SPTLC3: variants seen among roughly 807,000 people sequenced by gnomAD.
SPTLC3 encodes serine palmitoyltransferase 3.
SPTLC3 carries 36 observed loss-of-function variants against 59.3 expected under a neutral mutation model. The ratio of observed to expected loss-of-function variants is 0.61; its 90% CI spans 0.47 to 0.80. SPTLC3 has a LOEUF of 0.80. Among genes scored for constraint, SPTLC3 ranks in the 30% least tolerant of loss-of-function variants. The probability of loss-of-function intolerance (pLI) is 0.00; values close to 1 mark genes in which losing one functional copy is unlikely to be tolerated. For missense variants in SPTLC3, 625 were observed against 685.1 expected (o/e 0.91, Z 0.98); for synonymous variants, 257 against 240.8 (o/e 1.07, Z -0.62).
At chr20:13,109,046 A>AT (rs1380396202) in intron 6 of SPTLC3, among the ~76,000 whole-genome samples, 1 of 152,122 alleles carries the variant, frequency 6.6e-6, no homozygotes, top group African/African-American at 2.4e-5. Flanking sequence ...AACCTCGGCC[A>AT]TTTTTTTCTT....
At chr20:13,056,796 C>T (rs1163778028) in intron 2 of SPTLC3, among the ~76,000 whole-genome samples, 1 of 146,232 alleles carries the variant, frequency 6.8e-6, no homozygotes, top group African/African-American at 2.5e-5. Flanking sequence ...GGATGGAGTG[C>T]AGTGGTGCAA....
intron 11 of SPTLC3, among the ~76,000 whole-genome samples, chr20:13,164,011 G>A (rs1381041565): frequency 5.3e-5 from 8 of 151,916 alleles, no homozygotes; most frequent in East Asian, 1.9e-4. Context: ...CCATTAACTC[G>A]TCATTTAGCA....
chr20:13,013,099 G>A (rs1411661045), intron 1 of SPTLC3, among the ~76,000 whole-genome samples: 5 of 152,216 alleles, frequency 3.3e-5, no homozygotes, highest in Non-Finnish European at 7.3e-5. Flanking sequence ...ATCGCAGACA[G>A]TGAGAAGCAG....
chr20:13,079,595 A>G (rs1988768065), intron 4 of SPTLC3, among the ~76,000 whole-genome samples: 1 of 152,274 alleles, frequency 6.6e-6, no homozygotes, highest in Non-Finnish European at 1.5e-5. Context: ...CAATTCAAAT[A>G]TGAAATGCAC....
intron 1 of SPTLC3, among the ~76,000 whole-genome samples, chr20:13,024,421 A>T (rs6033574): frequency 0.36 from 54,919 of 151,988 alleles, 9,980 homozygotes; most frequent in South Asian, 0.52. Flanking sequence ...CTATCCATCC[A>T]TATGTTTTAT....
chr20:13,056,373 G>A (rs1340142850), intron 2 of SPTLC3, among the ~76,000 whole-genome samples: 1 of 151,882 alleles, frequency 6.6e-6, no homozygotes, highest in Non-Finnish European at 1.5e-5. Flanking sequence ...CAGAGTGACA[G>A]GTTCTAATTA....
intron 2 of SPTLC3, among the ~76,000 whole-genome samples, chr20:13,064,271 C>CTTTTTTTTTTTTTTT (rs33973192): frequency 7.3e-6 from 1 of 137,202 alleles, no homozygotes. Context: ...TTTTCCTTTT[C>CTTTTTTTTTTTTTTT]TTTTTTTTTT....
intron 7 of SPTLC3, among the ~76,000 whole-genome samples, chr20:13,110,958 G>C (rs1990198701): frequency 6.6e-6 from 1 of 151,858 alleles, no homozygotes; most frequent in Non-Finnish European, 1.5e-5. Flanking sequence ...CTTGAGGATA[G>C]ACATAGGATT....
chr20:13,140,586 T>C (rs2038358019), intron 9 of SPTLC3, among the ~76,000 whole-genome samples: 1 of 152,182 alleles, frequency 6.6e-6, no homozygotes, highest in South Asian at 2.1e-4. Context: ...TTTGCTTCTG[T>C]TATGTCTAGA....
intron 5 of SPTLC3, among the ~76,000 whole-genome samples, chr20:13,091,562 A>G (rs1264601813): frequency 8.0e-6 from 1 of 125,180 alleles, no homozygotes; most frequent in Non-Finnish European, 1.7e-5. Context: ...ACAGAGTGAG[A>G]CTCTGTCTCA....
At chr20:13,019,289 C>G (rs1045747010) in intron 1 of SPTLC3, among the ~76,000 whole-genome samples, 4 of 152,132 alleles carry the variant, frequency 2.6e-5, no homozygotes, top group South Asian at 2.1e-4. Context: ...ATGTTGGCAT[C>G]TAATTTTTAA....
intron 1 of SPTLC3, among the ~76,000 whole-genome samples, chr20:13,042,280 T>G (rs1009643866): frequency 1.3e-5 from 2 of 152,186 alleles, no homozygotes; most frequent in African/African-American, 4.8e-5. Context: ...CCCTACTCTT[T>G]GTGCCAAATA....
intron 6 of SPTLC3, among the ~76,000 whole-genome samples, chr20:13,099,898 A>G (rs977067460): frequency 3.3e-5 from 5 of 152,204 alleles, no homozygotes; most frequent in African/African-American, 1.2e-4. Context: ...ATAGAAGCTA[A>G]TAACTTGTGA....
chr20:13,122,588 A>G (rs1186047347), intron 8 of SPTLC3, among the ~76,000 whole-genome samples: 1 of 152,226 alleles, frequency 6.6e-6, no homozygotes, highest in Admixed American at 6.5e-5. Context: ...TCTGTGATTC[A>G]GTTGTTCTGT....
intron 2 of SPTLC3, among the ~76,000 whole-genome samples, chr20:13,062,880 A>G (rs1052312323): frequency 6.6e-6 from 1 of 152,170 alleles, no homozygotes; most frequent in African/African-American, 2.4e-5. Flanking sequence ...ACTTATTCCC[A>G]TTTTTATTTT....
chr20:13,052,177 T>C (rs778170335), intron 2 of SPTLC3, among the ~76,000 whole-genome samples: 32 of 152,060 alleles, frequency 2.1e-4, no homozygotes, highest in Non-Finnish European at 4.0e-4. Flanking sequence ...GGTACGGGGC[T>C]CATCTCACTG....
chr20:13,133,659 A>G (rs1445301878), intron 9 of SPTLC3, among the ~76,000 whole-genome samples: 1 of 152,112 alleles, frequency 6.6e-6, no homozygotes, highest in Non-Finnish European at 1.5e-5. Flanking sequence ...GCTTGAGCCC[A>G]GGAGGCGGAG....
chr20:13,130,085 A>T lies in SPTLC3; in HGVS notation c.1279+3368A>T, dbSNP rs140618392. Among the ~76,000 whole-genome samples the T allele has an allele frequency of 3.0e-4, 46 of 152,360 alleles. 1 individual carries two copies. Among genetic ancestry groups the T allele is most frequent in the Middle Eastern group, 3.4e-3 (1 of 294 alleles). On this transcript the variant is annotated intron_variant, in intron 9 of 11. Coordinates refer to ENST00000399002, the MANE Select transcript of SPTLC3 (RefSeq NM_018327.4). ...AGAAAATTGACAGAATTATCAGCCA[A>T]GTTTCAGGTAGTTCTGCCTGACACA...
chr20:13,057,535 C>G (rs1987778128), intron 2 of SPTLC3, among the ~76,000 whole-genome samples: 1 of 152,132 alleles, frequency 6.6e-6, no homozygotes, highest in Non-Finnish European at 1.5e-5. Flanking sequence ...TTATTTCTAA[C>G]TCAAATATTC....
Sources: gnomAD v4.1 joint callset for allele counts (sites outside exome capture counted in the v4.1 genomes callset) on GRCh38, gnomAD v4.1.1 for gene constraint, MANE v1.5 for transcripts, NCBI Gene and HGNC (gene_info 2026-07-23, HGNC 2026-07-21) for gene names.